FBXL17: variants seen among roughly 807,000 people sequenced by gnomAD.
FBXL17 encodes F-box/LRR-repeat protein 17.
In FBXL17, 22 loss-of-function variants were observed where a neutral mutation model predicts 66.2. That is an observed-to-expected ratio of 0.33 (90% CI 0.24 to 0.47). The LOEUF (loss-of-function observed/expected upper bound fraction) is 0.47. Among genes scored for constraint, FBXL17 ranks in the 20% least tolerant of loss-of-function variants. The pLI, the probability that FBXL17 is intolerant of heterozygous loss-of-function variation, is 1.00. For missense variants in FBXL17, 878 were observed against 948.2 expected, an observed-to-expected ratio of 0.93 and a Z score of 0.97; for synonymous variants, 474 against 400.5, an observed-to-expected ratio of 1.18 and a Z score of -2.19.
chr5:108,295,106 C>T (rs891421590), intron 4 of FBXL17, among the ~76,000 whole-genome samples: 7 of 151,784 alleles, frequency 4.6e-5, no homozygotes. Context: ...TAAGAGTACA[C>T]TTTTTTAACT....
At chr5:108,009,264 TATATA>T (rs1561365201) in intron 7 of FBXL17, among the ~76,000 whole-genome samples, 5 of 11,122 alleles carry the variant, frequency 4.5e-4, no homozygotes, top group African/African-American at 1.7e-3. Flanking sequence ...CCCTGTTTTA[TATATA>T]TATATATATA....
intron 3 of FBXL17, among the ~76,000 whole-genome samples, chr5:108,352,176 C>A (rs918998463): frequency 6.6e-6 from 1 of 152,188 alleles, no homozygotes; most frequent in African/African-American, 2.4e-5. Flanking sequence ...AATCTCACTG[C>A]AGAAACTGAT....
chr5:108,114,397 T>TGTTA (rs1750160393), intron 6 of FBXL17, among the ~76,000 whole-genome samples: 1 of 151,462 alleles, frequency 6.6e-6, no homozygotes, highest in African/African-American at 2.4e-5. Context: ...TCATCATTTA[T>TGTTA]ATTGAGTGTT....
At chr5:107,991,097 G>A (rs971596403) in intron 7 of FBXL17, among the ~76,000 whole-genome samples, 1 of 152,304 alleles carries the variant, frequency 6.6e-6, no homozygotes, top group East Asian at 1.9e-4. Context: ...AACTGTAGGG[G>A]TAATGTCAAA....
At chr5:107,919,275 T>C (rs915310744) in intron 7 of FBXL17, among the ~76,000 whole-genome samples, 8 of 152,220 alleles carry the variant, frequency 5.3e-5, no homozygotes, top group African/African-American at 1.7e-4. Flanking sequence ...TAGCATGTCC[T>C]GTTGGCTCCG....
intron 7 of FBXL17, among the ~76,000 whole-genome samples, chr5:107,962,816 C>A (rs1306603361): frequency 2.7e-5 from 4 of 150,430 alleles, no homozygotes; most frequent in Admixed American, 1.3e-4. Context: ...CTTTTAATGA[C>A]TTCAGTTATT....
chr5:108,242,728 C>T (rs938176333), intron 4 of FBXL17, among the ~76,000 whole-genome samples: 1 of 152,074 alleles, frequency 6.6e-6, no homozygotes, highest in Non-Finnish European at 1.5e-5. Flanking sequence ...TCATGGTCAG[C>T]TTCATCTACT....
intron 6 of FBXL17, among the ~76,000 whole-genome samples, chr5:108,089,897 G>A (rs1054192418): frequency 1.3e-5 from 2 of 152,082 alleles, no homozygotes; most frequent in Non-Finnish European, 2.9e-5. Context: ...GCACAAACAC[G>A]GCTCACTGTA....
At chr5:108,130,953 C>T (rs1018991415) in intron 6 of FBXL17, among the ~76,000 whole-genome samples, 1 of 151,908 alleles carries the variant, frequency 6.6e-6, no homozygotes, top group Non-Finnish European at 1.5e-5. Context: ...TTTCATTGCT[C>T]TGAATTTTTC....
At chr5:108,278,008 C>CAG (rs36115380) in intron 4 of FBXL17, among the ~76,000 whole-genome samples, 112,954 of 151,936 alleles carry the variant, frequency 0.74, 42,312 homozygotes, top group East Asian at 0.93. Context: ...AGAGGGAACA[C>CAG]GAGTTCAACA....
rs182420511 is a variant in FBXL17, at chr5:108,315,401, C to G, written c.1506+32998G>C. Reference sequence around the variant, plus strand: ...CGACAAGATGAAAATGTGTAATTTACGGATAAATTTAGTGAAAGTGCAATC... The same window carrying G: ...CGACAAGATGAAAATGTGTAATTTAGGGATAAATTTAGTGAAAGTGCAATC... On this transcript the variant is annotated intron_variant, in intron 4 of 8. Coordinates refer to ENST00000542267, the MANE Select transcript of FBXL17 (RefSeq NM_001163315.3). Among the ~76,000 whole-genome samples, 229 of 150,978 alleles carry G rather than the reference C, an allele frequency of 1.5e-3. 1 individual carries two copies. The highest frequency in any genetic ancestry group is 2.4e-3 in the Non-Finnish European group (164 of 67,350).
chr5:108,330,360 A>C (rs1760064825), intron 4 of FBXL17, among the ~76,000 whole-genome samples: 1 of 152,210 alleles, frequency 6.6e-6, no homozygotes, highest in Non-Finnish European at 1.5e-5. Context: ...ATCTTTAAAA[A>C]ATTATTTGAT....
At chr5:108,288,621 A>G (rs534697175) in intron 4 of FBXL17, among the ~76,000 whole-genome samples, 15 of 152,018 alleles carry the variant, frequency 9.9e-5, no homozygotes, top group Non-Finnish European at 1.9e-4. Context: ...AAAAACAGAA[A>G]ATGATGGAAG....
rs951229654 is a variant in FBXL17 at position 108,146,875 on chromosome 5, T to C, written c.1745+39242A>G. On this transcript the variant is annotated intron_variant, in intron 6 of 8. Coordinates refer to ENST00000542267, the MANE Select transcript of FBXL17 (RefSeq NM_001163315.3). ...GTGTCTTAGTCTGTTCCTGCTGTTA[T>C]AGCAAAATACCTTAGACTGGGTAAT... 2.0e-5 allele frequency among the ~76,000 whole-genome samples: 3 copies of C among 152,206 alleles called. No homozygotes were observed. The East Asian group carries it at 5.8e-4, about 29-fold the overall frequency.
At chr5:108,017,292 T>C (rs1245773087) in intron 7 of FBXL17, among the ~76,000 whole-genome samples, 1 of 152,202 alleles carries the variant, frequency 6.6e-6, no homozygotes. Flanking sequence ...TCTTTTTCTA[T>C]TGCCTACTAA....
At chr5:108,014,387 A>T (rs1407848122) in intron 7 of FBXL17, among the ~76,000 whole-genome samples, 3 of 152,186 alleles carry the variant, frequency 2.0e-5, no homozygotes, top group African/African-American at 4.8e-5. Flanking sequence ...AAACAGGTTC[A>T]TTTGTCTTTT....
chr5:108,003,193 A>G (rs1340442165), intron 7 of FBXL17, among the ~76,000 whole-genome samples: 1 of 152,236 alleles, frequency 6.6e-6, no homozygotes, highest in East Asian at 1.9e-4. Flanking sequence ...GGGAAAAAAT[A>G]TCTCCTCTGA....
chr5:107,992,187 GATAA>G (rs1191792076), intron 7 of FBXL17, among the ~76,000 whole-genome samples: 4 of 151,578 alleles, frequency 2.6e-5, no homozygotes. Flanking sequence ...TTTTCTTTAT[GATAA>G]ATAAGAATCA....
chr5:108,083,054 G>C (rs144885745), intron 6 of FBXL17, among the ~76,000 whole-genome samples: 101 of 152,226 alleles, frequency 6.6e-4, no homozygotes, highest in African/African-American at 2.4e-3. Flanking sequence ...TGACTGAAGA[G>C]GGGAAGATAT....
Sources: allele counts gnomAD v4.1 joint callset (sites outside exome capture counted in the v4.1 genomes callset), GRCh38; gene constraint gnomAD v4.1.1; transcripts MANE v1.5; gene names NCBI Gene and HGNC (gene_info 2026-07-23, HGNC 2026-07-21).